The following DCAF6 variants were observed in gnomAD, a reference collection of about 807,000 sequenced individuals.
DCAF6 encodes the protein DDB1 and CUL4 associated factor 6.
A neutral mutation model predicts 125.1 loss-of-function variants in DCAF6; 54 were observed. The observed-to-expected ratio is 0.43, with a 90% CI of 0.35 to 0.54. The LOEUF is 0.54. Ranked by LOEUF, DCAF6 falls within the 20% of genes least tolerant of loss-of-function variation. The probability of loss-of-function intolerance (pLI) is 0.01; values close to 1 mark genes in which losing one functional copy is unlikely to be tolerated. For synonymous variants in DCAF6, 371 were observed against 390.4 expected, an observed-to-expected ratio of 0.95 and a Z score of 0.58; for missense variants, 934 against 1,161.7, an observed-to-expected ratio of 0.80 and a Z score of 2.85.
chr1:167,957,144 C>G (rs114441489), intron 2 of DCAF6, among the ~76,000 whole-genome samples: 1 of 151,720 alleles, frequency 6.6e-6, no homozygotes, highest in African/African-American at 2.4e-5. Flanking sequence ...ATAAAACTGA[C>G]GCATCTTAAG....
intron 4 of DCAF6, among the ~76,000 whole-genome samples, chr1:167,983,011 A>T (rs115220686): frequency 6.6e-6 from 1 of 152,008 alleles, no homozygotes; most frequent in Non-Finnish European, 1.5e-5. Context: ...ATTCTGTTTC[A>T]TTGGCCTGTG....
At chr1:167,986,319 C>T (rs181295051) in intron 4 of DCAF6, among the ~76,000 whole-genome samples, 52 of 152,274 alleles carry the variant, frequency 3.4e-4, no homozygotes, top group Non-Finnish European at 1.5e-5. Flanking sequence ...CTCCCATCAG[C>T]AATGTGTTCC....
chr1:167,902,944 A>T, the DCAF6 span, among the ~76,000 whole-genome samples: 1 of 152,198 alleles, frequency 6.6e-6, no homozygotes, highest in African/African-American at 2.4e-5. Context: ...TGGGTTTTAT[A>T]GATGCTGGCT....
chr1:168,037,533 G>A (rs1687993670), intron 12 of DCAF6, among the ~76,000 whole-genome samples: 1 of 151,992 alleles, frequency 6.6e-6, no homozygotes, highest in Non-Finnish European at 1.5e-5. Context: ...AATATGTAAA[G>A]CTCTGTTTAA....
chr1:167,923,636 C>T, the DCAF6 span, among the ~76,000 whole-genome samples: 11 of 151,706 alleles, frequency 7.3e-5, no homozygotes, highest in South Asian at 1.0e-3. Flanking sequence ...ATGTACTTAA[C>T]GCTACTGAAC....
intron 5 of DCAF6, among the ~76,000 whole-genome samples, chr1:167,989,829 T>A (rs937824975): frequency 1.3e-5 from 2 of 149,574 alleles, no homozygotes; most frequent in Non-Finnish European, 1.5e-5. Flanking sequence ...TGCACTGCAC[T>A]CCAACCTGGC....
chr1:167,891,149 A>C, the DCAF6 span, among the ~76,000 whole-genome samples: 1 of 151,758 alleles, frequency 6.6e-6, no homozygotes, highest in Non-Finnish European at 1.5e-5. Context: ...TTTAGTAGAG[A>C]CAAGGTTTCA....
the DCAF6 span, chr1:167,880,518 T>A: frequency 6.2e-7 from 1 of 1,613,792 alleles, no homozygotes; most frequent in African/African-American, 1.3e-5. Flanking sequence ...AGAGCAGAAG[T>A]CAAATATATC....
chr1:167,865,614 T>C, the DCAF6 span, among the ~76,000 whole-genome samples: 1 of 152,360 alleles, frequency 6.6e-6, no homozygotes, highest in South Asian at 2.1e-4. Flanking sequence ...TGTTTAGCTT[T>C]CTTTGGTCTA....
At chr1:167,953,415 A>T (rs1213558559) in intron 2 of DCAF6, among the ~76,000 whole-genome samples, 2 of 152,200 alleles carry the variant, frequency 1.3e-5, no homozygotes, top group African/African-American at 4.8e-5. Flanking sequence ...TGGCATTATA[A>T]TTAACAAACC....
Position 168,044,613 on chromosome 1 carries a change from G to A in DCAF6, c.1872G>A (p.Val624=), listed in dbSNP as rs761311383. ...CTCCTGAAGAATCATCAGAGGATGT[G>A]ACAAAATATCAGGAAGGAGTATCTG... ...TKAPEESSED[V]TKYQEGVSAE... The change falls in exon 15 of 22, where the codon GTG becomes GTA. Residue 624 remains valine (V), a synonymous_variant. Transcript: ENST00000367840. 4 of 1,613,074 alleles carry A rather than the reference G, an allele frequency of 2.5e-6. No homozygotes were observed. Among genetic ancestry groups the A allele is most frequent in the Non-Finnish European group, 3.4e-6 (4 of 1,179,226 alleles).
chr1:167,949,773 A>G (rs1055279136), intron 1 of DCAF6, among the ~76,000 whole-genome samples: 4 of 152,192 alleles, frequency 2.6e-5, no homozygotes, highest in Non-Finnish European at 4.4e-5. Flanking sequence ...AATAGCATTC[A>G]GATGTGAGTT....
chr1:168,040,498 A>G (rs1189802748), intron 13 of DCAF6, among the ~76,000 whole-genome samples: 1 of 151,926 alleles, frequency 6.6e-6, no homozygotes, highest in Non-Finnish European at 1.5e-5. Flanking sequence ...AAAAAAAAAA[A>G]AAGTGATGGG....
In DCAF6 at chr1:167,937,110, G is replaced by A. The variant is rs904092772; in HGVS notation, c.97+102G>A. On this transcript the variant is annotated intron_variant, in intron 1 of 21. Transcript: ENST00000367840. ...GGAGGTGGGACGGCGTCTCGGTGGG[G>A]GCGCCCGGAGACTCTGGGGTGTTGG... The A allele has an allele frequency of 2.8e-5, 28 of 986,964 alleles. No individual in the cohort carries two copies. In the African/African-American group the frequency reaches 4.2e-4, roughly 15 times the overall value. 61.1% of individuals were successfully genotyped at this position (986,964 alleles called of 1,614,324 possible).
intron 1 of DCAF6, among the ~76,000 whole-genome samples, chr1:167,949,925 C>T (rs1673662178): frequency 6.6e-6 from 1 of 152,176 alleles, no homozygotes; most frequent in Non-Finnish European, 1.5e-5. Flanking sequence ...TCTAGAAGCA[C>T]ACTTTATGAG....
At chr1:167,932,950 G>T (rs1670952366), upstream of DCAF6, among the ~76,000 whole-genome samples, 1 of 152,060 alleles carries the variant, frequency 6.6e-6, no homozygotes, top group African/African-American at 2.4e-5. Flanking sequence ...ATAGTCAGGT[G>T]GGGGATAATG....
the DCAF6 span, among the ~76,000 whole-genome samples, chr1:167,921,046 C>A: frequency 1.3e-5 from 2 of 152,006 alleles, no homozygotes; most frequent in African/African-American, 2.4e-5. Flanking sequence ...TGTATAGATT[C>A]TTCCTTTGAT....
At chr1:167,954,920 TTACA>T (rs1284030050) in intron 2 of DCAF6, among the ~76,000 whole-genome samples, 1 of 152,182 alleles carries the variant, frequency 6.6e-6, no homozygotes, top group Non-Finnish European at 1.5e-5. Flanking sequence ...CTCTCATTCC[TTACA>T]CATCACCCTC....
At chr1:168,075,292 A>G in intron 21 of DCAF6, 79 bp from the exon 22 acceptor site, 1 of 1,325,066 alleles carries the variant, frequency 7.5e-7, no homozygotes, top group Non-Finnish European at 1.0e-6. Flanking sequence ...TGCGTTTTAA[A>G]TAAAAGGCAT....
Sources: gnomAD v4.1 joint callset for allele counts (sites outside exome capture counted in the v4.1 genomes callset) on GRCh38, gnomAD v4.1.1 for gene constraint, MANE v1.5 for transcripts, NCBI Gene and HGNC (gene_info 2026-07-23, HGNC 2026-07-21) for gene names.